RAD51B: variants seen among roughly 807,000 people sequenced by gnomAD.
RAD51B encodes DNA repair protein RAD51 homolog 2.
In RAD51B, 38 loss-of-function variants were observed where a neutral mutation model predicts 42.2. The ratio of observed to expected loss-of-function variants is 0.90; its 90% CI spans 0.70 to 1.18. The LOEUF is 1.18. RAD51B is among the 50% of genes most tolerant of loss of function. RAD51B has a pLI of 0.00. For missense variants in RAD51B, 373 were observed against 400.7 expected, an observed-to-expected ratio of 0.93 and a Z score of 0.59; for synonymous variants, 154 against 145.2, an observed-to-expected ratio of 1.06 and a Z score of -0.43.
chr14:68,498,627 C>A (rs1407476256), intron 10 of RAD51B, among the ~76,000 whole-genome samples: 1 of 152,106 alleles, frequency 6.6e-6, no homozygotes, highest in Non-Finnish European at 1.5e-5. Context: ...AAAAAGAAAC[C>A]TACAAACACA....
chr14:67,947,318 C>T (rs1189393958), intron 7 of RAD51B, among the ~76,000 whole-genome samples: 1 of 152,110 alleles, frequency 6.6e-6, no homozygotes, highest in Non-Finnish European at 1.5e-5. Flanking sequence ...AAATAGTTTC[C>T]TGTAAGGCAT....
At chr14:68,538,994 C>T (rs1887802646) in intron 10 of RAD51B, among the ~76,000 whole-genome samples, 1 of 152,188 alleles carries the variant, frequency 6.6e-6, no homozygotes, top group Non-Finnish European at 1.5e-5. Context: ...TTGTTTTTGC[C>T]TCTTTTCTAC....
chr14:67,937,979 T>C (rs2045019050), intron 7 of RAD51B, among the ~76,000 whole-genome samples: 1 of 152,174 alleles, frequency 6.6e-6, no homozygotes, highest in African/African-American at 2.4e-5. Flanking sequence ...CTCAAGGTTT[T>C]TCTATAGAAT....
intron 7 of RAD51B, among the ~76,000 whole-genome samples, chr14:67,988,277 A>C (rs1409530828): frequency 1.3e-5 from 2 of 152,018 alleles, no homozygotes; most frequent in Admixed American, 6.6e-5. Flanking sequence ...TGGCCAACAT[A>C]GTGAAAGCCT....
chr14:68,194,362 G>A (rs1444273188), intron 7 of RAD51B, among the ~76,000 whole-genome samples: 1 of 152,168 alleles, frequency 6.6e-6, no homozygotes, highest in African/African-American at 2.4e-5. Flanking sequence ...GTTCAGGACT[G>A]CTAAACATTA....
In RAD51B at chr14:68,454,779, C is replaced by T. The variant is rs1308633359; in HGVS notation, c.958-13393C>T. 2.6e-5 allele frequency among the ~76,000 whole-genome samples: 4 copies of T among 152,220 alleles called. 1 individual carries two copies. Among genetic ancestry groups the T allele is most frequent in the Admixed American group, 2.6e-4 (4 of 15,282 alleles). ...ACAGCCAGTGGTAATTGCTCACCAT[C>T]ATGGCTGCCCAAGGCTCCATTACCA... On this transcript the variant is annotated intron_variant, in intron 9 of 10. Coordinates refer to ENST00000471583, the MANE Select transcript of RAD51B (RefSeq NM_133510.4).
chr14:67,846,261 G>T (rs1555405280), intron 4 of RAD51B, among the ~76,000 whole-genome samples: 1 of 152,188 alleles, frequency 6.6e-6, no homozygotes, highest in South Asian at 2.1e-4. Context: ...GCAGGTACAG[G>T]GCTGCCAGTC....
chr14:68,363,842 G>T lies in RAD51B; in HGVS notation c.854-47582G>T, dbSNP rs534261116. Among the ~76,000 whole-genome samples the T allele has an allele frequency of 4.6e-5, 7 of 152,294 alleles. No homozygotes were observed. The South Asian group carries it at 1.5e-3, about 32-fold the overall frequency. On this transcript the variant is annotated intron_variant, in intron 8 of 10. Coordinates refer to ENST00000471583, the MANE Select transcript of RAD51B (RefSeq NM_133510.4). Reference sequence around the variant, plus strand: ...AACCACTGTGCTTCTGTGTGCTCCCGTGTAGGCTGGAAGTCGTATCAGCCG... The same window carrying T: ...AACCACTGTGCTTCTGTGTGCTCCCTTGTAGGCTGGAAGTCGTATCAGCCG...
chr14:68,590,761 C>T (rs117921607), intron 10 of RAD51B, among the ~76,000 whole-genome samples: 257 of 152,258 alleles, frequency 1.7e-3, no homozygotes, highest in Non-Finnish European at 2.7e-3. Flanking sequence ...GCAATGATGC[C>T]GAATCACCTG....
At chr14:68,585,526 A>G (rs935843442) in intron 10 of RAD51B, among the ~76,000 whole-genome samples, 1 of 152,138 alleles carries the variant, frequency 6.6e-6, no homozygotes, top group Non-Finnish European at 1.5e-5. Flanking sequence ...TCTTTAACAA[A>G]GGTGGGATAA....
chr14:68,169,304 A>C (rs1467686824), intron 7 of RAD51B, among the ~76,000 whole-genome samples: 1 of 152,138 alleles, frequency 6.6e-6, no homozygotes, highest in Non-Finnish European at 1.5e-5. Flanking sequence ...TATTCTCCTC[A>C]TACAGCCTGC....
intron 9 of RAD51B, among the ~76,000 whole-genome samples, chr14:68,442,230 C>T (rs2085315440): frequency 6.6e-6 from 1 of 152,150 alleles, no homozygotes; most frequent in Admixed American, 6.5e-5. Context: ...GGGCCTACTA[C>T]TGACTGGATG....
intron 7 of RAD51B, among the ~76,000 whole-genome samples, chr14:68,276,260 A>G (rs1319609507): frequency 6.6e-6 from 1 of 152,106 alleles, no homozygotes; most frequent in African/African-American, 2.4e-5. Context: ...TCAATGTCCA[A>G]ATTGGGCCCT....
chr14:67,855,529 C>T (rs1238559019), intron 4 of RAD51B, among the ~76,000 whole-genome samples: 8 of 152,036 alleles, frequency 5.3e-5, no homozygotes, highest in African/African-American at 7.2e-5. Context: ...CTTGAGCCAC[C>T]GCACCCGGCC....
intron 10 of RAD51B, among the ~76,000 whole-genome samples, chr14:68,560,919 TC>T (rs1889114929): frequency 6.6e-6 from 1 of 152,130 alleles, no homozygotes; most frequent in South Asian, 2.1e-4. Flanking sequence ...ACTGGGATCA[TC>T]CGGCAGGGAA....
intron 10 of RAD51B, among the ~76,000 whole-genome samples, chr14:68,641,790 G>T (rs920702044): frequency 2.0e-5 from 3 of 151,450 alleles, no homozygotes; most frequent in Non-Finnish European, 4.4e-5. Flanking sequence ...CCAACTCCTG[G>T]GTTCAAGTGA....
At chr14:68,562,593 T>C (rs1889210464) in intron 10 of RAD51B, 1 of 985,296 alleles carries the variant, frequency 1.0e-6, no homozygotes, top group Non-Finnish European at 1.2e-6. Context: ...TTAGGAGTAA[T>C]GAGGCAGCAA....
At chr14:68,605,991 G>A (rs904102216) in intron 10 of RAD51B, among the ~76,000 whole-genome samples, 1 of 152,194 alleles carries the variant, frequency 6.6e-6, no homozygotes, top group African/African-American at 2.4e-5. Flanking sequence ...CCTGAACTCT[G>A]AAGTCTAAAC....
chr14:68,542,333 G>T (rs917272015), intron 10 of RAD51B, among the ~76,000 whole-genome samples: 3 of 152,140 alleles, frequency 2.0e-5, no homozygotes, highest in Admixed American at 6.5e-5. Flanking sequence ...TGTTCTAAGG[G>T]CAGTGTCAAT....
Sources: allele counts gnomAD v4.1 joint callset (sites outside exome capture counted in the v4.1 genomes callset), GRCh38; gene constraint gnomAD v4.1.1; transcripts MANE v1.5; gene names NCBI Gene and HGNC (gene_info 2026-07-23, HGNC 2026-07-21).